The following SLIT1 variants were observed in gnomAD, a reference collection of about 807,000 sequenced individuals.
The protein encoded by SLIT1 is slit guidance ligand 1, also known as slit homolog 1 protein.
SLIT1 carries 66 observed loss-of-function variants against 186.1 expected under a neutral mutation model. The ratio of observed to expected loss-of-function variants is 0.35; its 90% CI spans 0.29 to 0.44. SLIT1 has a LOEUF of 0.44. SLIT1 is among the 20% of genes least tolerant of loss of function. The probability of loss-of-function intolerance (pLI) is 1.00; values close to 1 mark genes in which losing one functional copy is unlikely to be tolerated. For missense variants in SLIT1, 1,638 were observed against 2,037.4 expected (o/e 0.80, Z 3.77); for synonymous variants, 761 against 833.8 (o/e 0.91, Z 1.50).
rs1400974404 is a variant in SLIT1 at position 96,999,657 on chromosome 10, A to AT, written c.*1454dup. On this transcript the variant is annotated 3_prime_UTR_variant, in exon 37 of 37. Coordinates refer to ENST00000266058, the MANE Select transcript of SLIT1 (RefSeq NM_003061.3). ...TTGGCCTCACAAACCATCTTTCTAC[A>AT]TTTTCACTGTGTATGGAAGAGAAGA... 1 of 152,080 alleles carries AT rather than the reference A, an allele frequency of 6.6e-6. No homozygotes were observed. The highest frequency in any genetic ancestry group is 1.9e-4 in the East Asian group (1 of 5,182). The allele number at this position is 152,080 out of a possible 1,614,324, so 9.4% of individuals were successfully genotyped here.
At chr10:97,090,674 C>T (rs1413570971) in intron 4 of SLIT1, among the ~76,000 whole-genome samples, 2 of 152,190 alleles carry the variant, frequency 1.3e-5, no homozygotes, top group East Asian at 1.9e-4. Context: ...GGACACTGAG[C>T]GCTGCCACAG....
chr10:97,168,926 G>A (rs1161892527), intron 1 of SLIT1, among the ~76,000 whole-genome samples: 1 of 152,152 alleles, frequency 6.6e-6, no homozygotes, highest in Non-Finnish European at 1.5e-5. Flanking sequence ...AATCCCTGAG[G>A]ATGGAATTCC....
chr10:97,072,626 G>GAACCAGCCCTCAGCCA (rs1564667887), intron 4 of SLIT1, among the ~76,000 whole-genome samples: 3 of 152,100 alleles, frequency 2.0e-5, no homozygotes, highest in African/African-American at 7.2e-5. Flanking sequence ...GCCCACAGCC[G>GAACCAGCCCTCAGCCA]GAACCAGCCC....
At position 97,041,116 on chromosome 10, in the gene SLIT1, C is replaced by G. The variant is rs144075801; in HGVS notation, c.2165-996G>C. Among the ~76,000 whole-genome samples the G allele has an allele frequency of 3.3e-5, 5 of 152,346 alleles. No individual in the cohort carries two copies. In the East Asian group the frequency reaches 9.6e-4, roughly 29 times the overall value. On this transcript the variant is annotated intron_variant, in intron 20 of 36. Coordinates refer to ENST00000266058, the MANE Select transcript of SLIT1 (RefSeq NM_003061.3). ...CGATTGGCCACCAGGCTCTCAGCAG[C>G]AACATCTTAGAAATATTCACATCCT... is the stretch of plus-strand genomic sequence containing the variant.
At position 97,018,982 on chromosome 10, in the gene SLIT1, C is replaced by T; in HGVS notation, c.2871+1G>A. 3.1e-6 allele frequency: 5 copies of T among 1,599,712 alleles called. No individual in the cohort carries two copies. The highest frequency in any genetic ancestry group is 1.1e-5 in the South Asian group (1 of 90,644). On this transcript the variant is annotated splice_donor_variant, in intron 27 of 36. Transcript: ENST00000266058. LOFTEE classifies it high-confidence loss of function. The stretch of plus-strand genomic sequence containing the variant: ...CCTCCCCGGCCTCTGCCTCCACTCA[C>T]CTTATAGCCGCTGGGGCAGGCGCAC...
In SLIT1 at chr10:97,000,740, T is replaced by G; in HGVS notation, c.*372A>C. On this transcript the variant is annotated 3_prime_UTR_variant, in exon 37 of 37. Transcript: ENST00000266058. ...CTGGGCCACAGGCCAAAGGGAAGGG[T>G]TGGTTTGGAAGGCTGTCATTTTTCT... 5.1e-6 allele frequency: 1 copy of G among 194,820 alleles called. No homozygotes were observed. The highest frequency in any genetic ancestry group is 1.0e-5 in the Non-Finnish European group (1 of 95,536). 12.1% of individuals were successfully genotyped at this position (194,820 alleles called of 1,614,324 possible).
chr10:97,098,552 G>C (rs974275991), intron 4 of SLIT1, among the ~76,000 whole-genome samples: 3 of 152,244 alleles, frequency 2.0e-5, no homozygotes, highest in Non-Finnish European at 4.4e-5. Context: ...GGTGGTCCAA[G>C]TGGTGTGCAC....
At chr10:97,167,940 GT>G (rs1850141528) in intron 1 of SLIT1, among the ~76,000 whole-genome samples, 1 of 152,212 alleles carries the variant, frequency 6.6e-6, no homozygotes, top group African/African-American at 2.4e-5. Flanking sequence ...CTGTGGAACT[GT>G]AAGTCAATTT....
At position 97,184,065 on chromosome 10, in the gene SLIT1, A is replaced by G. The variant is rs1850379052; in HGVS notation, c.197+1413T>C. Among the ~76,000 whole-genome samples, 1 of 137,664 alleles carries G rather than the reference A, an allele frequency of 7.3e-6. No homozygotes were observed. Among genetic ancestry groups the G allele is most frequent in the African/African-American group, 2.7e-5 (1 of 37,562 alleles). 90.3% of individuals were successfully genotyped at this position (137,664 alleles called of 152,430 possible). On this transcript the variant is annotated intron_variant, in intron 1 of 36. Transcript: ENST00000266058. This position sits in a 1 kb window ranked among gnomAD's most constrained non-coding sequence, Gnocchi z 4.4. Reference sequence around the variant, plus strand: ...ACACACACACACACACACACTTCCCATCTAGATTGCATCTAGATTGCAAAT... The same window carrying G: ...ACACACACACACACACACACTTCCCGTCTAGATTGCATCTAGATTGCAAAT...
Position 97,165,127 on chromosome 10 carries a change from C to T in SLIT1, c.198-237G>A, listed in dbSNP as rs550763126. On this transcript the variant is annotated intron_variant, in intron 1 of 36. Coordinates refer to ENST00000266058, the MANE Select transcript of SLIT1 (RefSeq NM_003061.3). ...CGCATCACTGGGAGTGCTGTGGAAA[C>T]CAAAAACGTGGTTTCTGCCCACTGA... 5.2e-4 allele frequency among the ~76,000 whole-genome samples: 79 copies of T among 152,124 alleles called. 1 individual carries two copies. Among genetic ancestry groups the T allele is most frequent in the Non-Finnish European group, 1.1e-3 (72 of 68,010 alleles).
rs567259295 is a variant in SLIT1 at position 97,037,428 on chromosome 10, G to A, written c.2366+270C>T. On this transcript the variant is annotated intron_variant, in intron 22 of 36. Coordinates refer to ENST00000266058, the MANE Select transcript of SLIT1 (RefSeq NM_003061.3). ...CCAGGATAACCCTTTTAACAGTCAC[G>A]ACCAGCCTCACGGGGGAGCTTTGGG... is the stretch of plus-strand genomic sequence containing the variant. Among the ~76,000 whole-genome samples, 7 of 152,182 alleles carry A rather than the reference G, an allele frequency of 4.6e-5. No homozygotes were observed. In the South Asian group the frequency reaches 8.3e-4, roughly 18 times the overall value.
rs147986575 is a variant in SLIT1, at chr10:97,109,782, A to G, written c.414-43696T>C. On this transcript the variant is annotated intron_variant, in intron 4 of 36. Transcript: ENST00000266058. ...TCTCATTTCCCTTCTGTAGCACATTAAAGAGAAACATCGCCGACAAACCTC... is the reference window on the plus strand; with the variant it reads ...TCTCATTTCCCTTCTGTAGCACATTGAAGAGAAACATCGCCGACAAACCTC... Among the ~76,000 whole-genome samples, 515 of 152,282 alleles carry G rather than the reference A, an allele frequency of 3.4e-3. 3 individuals carry two copies. Among genetic ancestry groups the G allele is most frequent in the African/African-American group, 0.012 (492 of 41,540 alleles).
chr10:97,180,155 C>A (rs1211587639), intron 1 of SLIT1, among the ~76,000 whole-genome samples: 2 of 152,208 alleles, frequency 1.3e-5, no homozygotes, highest in Non-Finnish European at 2.9e-5. Context: ...TGCCTGATGG[C>A]GAAGAGGAGG....
Position 97,047,044 on chromosome 10 carries a change from A to G in SLIT1, c.1656T>C (p.Ile552=). 1 of 1,611,078 alleles carries G rather than the reference A, an allele frequency of 6.2e-7. No individual in the cohort carries two copies. Among genetic ancestry groups the G allele is most frequent in the African/African-American group, 1.3e-5 (1 of 74,984 alleles). Residue 552 remains isoleucine, a synonymous_variant, in exon 17 of 37, where the codon ATT becomes ATC. Coordinates refer to ENST00000266058, the MANE Select transcript of SLIT1 (RefSeq NM_003061.3). ...TAELRLNNNE[I]SILEATGMFK... is the part of the protein sequence containing the mutation. ...ACATCCCAGTGGCCTCCAGGATGGA[A>G]ATCTCATTGTTATTCAATCGCCTGT...
chr10:97,041,792 C>A (rs1029293468), intron 20 of SLIT1, among the ~76,000 whole-genome samples: 2 of 152,076 alleles, frequency 1.3e-5, no homozygotes, highest in African/African-American at 2.4e-5. Flanking sequence ...TTTTTAAATC[C>A]TCCTTCTGGT....
intron 4 of SLIT1, among the ~76,000 whole-genome samples, chr10:97,147,220 G>A (rs1271832220): frequency 6.6e-6 from 1 of 152,192 alleles, no homozygotes; most frequent in Non-Finnish European, 1.5e-5. Flanking sequence ...GATGTACTGA[G>A]AACAGGCAAA....
chr10:97,162,379 G>A (rs548017772), intron 3 of SLIT1, among the ~76,000 whole-genome samples: 1 of 152,310 alleles, frequency 6.6e-6, no homozygotes, highest in East Asian at 1.9e-4. Flanking sequence ...GGAGGCCGAG[G>A]CAGGTGTGTC....
At chr10:97,029,527 G>A (rs946188002) in intron 25 of SLIT1, among the ~76,000 whole-genome samples, 2 of 152,230 alleles carry the variant, frequency 1.3e-5, no homozygotes, top group African/African-American at 4.8e-5. Flanking sequence ...GAGATGCCAG[G>A]AGAGAATGTG....
At chr10:97,064,112 C>G in intron 7 of SLIT1, 56 bp downstream of exon 7, 1 of 1,417,844 alleles carries the variant, frequency 7.1e-7, no homozygotes, top group South Asian at 1.2e-5. Flanking sequence ...CCCCACCCAC[C>G]CCCTGGCATC....
Sources: allele counts gnomAD v4.1 joint callset (sites outside exome capture counted in the v4.1 genomes callset), GRCh38; gene constraint gnomAD v4.1.1; non-coding constraint Gnocchi (gnomAD v3.1); transcripts MANE v1.5; gene names NCBI Gene and HGNC (gene_info 2026-07-23, HGNC 2026-07-21).